CDYL: variants seen among roughly 807,000 people sequenced by gnomAD.
CDYL encodes the protein chromodomain Y like.
Under a neutral mutation model 47.3 loss-of-function variants are expected in CDYL, and 8 were observed. That is an observed-to-expected ratio of 0.17 (90% CI 0.10 to 0.31). The LOEUF (loss-of-function observed/expected upper bound fraction) is 0.31. CDYL is among the 10% of genes least tolerant of loss of function. The pLI is 1.00. For missense variants in CDYL, 471 were observed against 701.4 expected, an observed-to-expected ratio of 0.67 and a Z score of 3.71; for synonymous variants, 266 against 265.0, an observed-to-expected ratio of 1.00 and a Z score of -0.04.
intron 3 of CDYL, among the ~76,000 whole-genome samples, chr6:4,747,455 G>A (rs1327493743): frequency 6.6e-6 from 1 of 152,108 alleles, no homozygotes; most frequent in Non-Finnish European, 1.5e-5. Context: ...GTGATAGGTG[G>A]TTATTACTGA....
At chr6:4,835,029 G>A (rs1442888318) in intron 1 of CDYL, among the ~76,000 whole-genome samples, 2 of 152,018 alleles carry the variant, frequency 1.3e-5, no homozygotes, top group Non-Finnish European at 2.9e-5. Context: ...ATTTCCTCCT[G>A]TAGCTCGTAG....
intron 2 of CDYL, among the ~76,000 whole-genome samples, chr6:4,732,007 A>G (rs1757613947): frequency 6.6e-6 from 1 of 152,160 alleles, no homozygotes; most frequent in Non-Finnish European, 1.5e-5. Context: ...TAAATATGTG[A>G]TAATTTAAAA....
At chr6:4,890,734 T>G (rs1480726585) in intron 1 of CDYL, among the ~76,000 whole-genome samples, 1 of 152,268 alleles carries the variant, frequency 6.6e-6, no homozygotes, top group African/African-American at 2.4e-5. Flanking sequence ...ACTGACGTTC[T>G]TAATAATTGA....
chr6:4,813,872 C>G (rs1472354460), intron 1 of CDYL, among the ~76,000 whole-genome samples: 1 of 151,752 alleles, frequency 6.6e-6, no homozygotes, highest in African/African-American at 2.4e-5. Context: ...CTCCCAGGCT[C>G]CAACGATCCT....
rs572813425 is a variant in CDYL, at chr6:4,895,095, A to G, written c.691+2716A>G. Among the ~76,000 whole-genome samples the G allele has an allele frequency of 1.3e-3, 189 of 150,928 alleles. 2 individuals carry two copies. Among genetic ancestry groups the G allele is most frequent in the African/African-American group, 4.4e-3 (180 of 40,866 alleles). On this transcript the variant is annotated intron_variant, in intron 2 of 6. Transcript: ENST00000397588. ...TGTATCTATATGCACATATATGTAC[A>G]TGTGTGTATATGTATCTATATGCAT... is the stretch of plus-strand genomic sequence containing the variant.
chr6:4,933,251 A>G (rs565187333), intron 2 of CDYL, among the ~76,000 whole-genome samples: 3 of 152,048 alleles, frequency 2.0e-5, no homozygotes, highest in Non-Finnish European at 1.5e-5. Flanking sequence ...CCTCTCTCCA[A>G]CCCTGACTTC....
At chr6:4,888,820 T>G (rs1342586736) in intron 1 of CDYL, among the ~76,000 whole-genome samples, 1 of 152,222 alleles carries the variant, frequency 6.6e-6, no homozygotes, top group Admixed American at 6.5e-5. Context: ...GGTTTCCAAC[T>G]TCTCTTGAGA....
At chr6:4,718,145 TC>T (rs1293822158) in intron 2 of CDYL, among the ~76,000 whole-genome samples, 7 of 152,090 alleles carry the variant, frequency 4.6e-5, no homozygotes, top group African/African-American at 1.4e-4. Flanking sequence ...TCCCAGACAT[TC>T]TTTTTGAATA....
At chr6:4,828,474 T>C (rs971185101) in intron 1 of CDYL, among the ~76,000 whole-genome samples, 9 of 152,128 alleles carry the variant, frequency 5.9e-5, no homozygotes, top group Admixed American at 5.9e-4. Flanking sequence ...ATGATTTCTG[T>C]TGAGAAATCA....
chr6:4,745,266 A>G (rs938074378), intron 3 of CDYL, among the ~76,000 whole-genome samples: 1 of 152,168 alleles, frequency 6.6e-6, no homozygotes, highest in Non-Finnish European at 1.5e-5. Flanking sequence ...GGCCTACCCC[A>G]GCCATACTTT....
intron 5 of CDYL, among the ~76,000 whole-genome samples, chr6:4,946,011 C>T (rs1002808359): frequency 6.6e-6 from 1 of 152,240 alleles, no homozygotes; most frequent in Non-Finnish European, 1.5e-5. Flanking sequence ...TGCTGCCCAG[C>T]GCCCACAGGC....
chr6:4,880,339 G>C (rs1343014114), intron 1 of CDYL, among the ~76,000 whole-genome samples: 1 of 152,084 alleles, frequency 6.6e-6, no homozygotes, highest in African/African-American at 2.4e-5. Flanking sequence ...AGGTTCCTCT[G>C]TGTCCTTTTG....
At chr6:4,767,000 TA>T (rs1048668653) in intron 3 of CDYL, among the ~76,000 whole-genome samples, 3 of 148,382 alleles carry the variant, frequency 2.0e-5, no homozygotes, top group Non-Finnish European at 1.5e-5. Flanking sequence ...AGACCCTGTC[TA>T]AAAAAAAAAT....
rs146729682 is a variant in CDYL, at chr6:4,885,895, C to T, written c.25-5818C>T. Among the ~76,000 whole-genome samples the T allele has an allele frequency of 4.0e-3, 612 of 152,286 alleles. 1 individual carries two copies. Among genetic ancestry groups the T allele is most frequent in the African/African-American group, 0.014 (575 of 41,554 alleles). On this transcript the variant is annotated intron_variant, in intron 1 of 6. Coordinates refer to ENST00000397588, the MANE Select transcript of CDYL (RefSeq NM_004824.4). Reference sequence around the variant, plus strand: ...AAGAAATCTAGTATCCATTAGCTATCATCTTCCTATTTACCCCTGTTACCT... The same window carrying T: ...AAGAAATCTAGTATCCATTAGCTATTATCTTCCTATTTACCCCTGTTACCT...
chr6:4,897,634 A>G (rs1268156187), intron 2 of CDYL, among the ~76,000 whole-genome samples: 1 of 152,162 alleles, frequency 6.6e-6, no homozygotes, highest in African/African-American at 2.4e-5. Flanking sequence ...TCAGGAGACC[A>G]GGCCAGGTGT....
intron 2 of CDYL, among the ~76,000 whole-genome samples, chr6:4,724,084 G>A (rs1309759820): frequency 6.6e-6 from 1 of 152,138 alleles, no homozygotes; most frequent in Non-Finnish European, 1.5e-5. Context: ...TGACACCCAG[G>A]CTCTGGAGTG....
chr6:4,721,628 A>C lies in CDYL; in HGVS notation c.103+5747A>C, dbSNP rs374645429. The stretch of plus-strand genomic sequence containing the variant: ...ACTCCTGGCCTCAACTGACCCACCC[A>C]CCTCAGCCTCCAAAAGTGCTGGGAC... On this transcript the variant is annotated intron_variant, in intron 2 of 8. Transcript: ENST00000328908. 8.0e-4 allele frequency among the ~76,000 whole-genome samples: 121 copies of C among 151,954 alleles called. 1 individual carries two copies. The South Asian group carries it at 0.017, about 21-fold the overall frequency.
chr6:4,831,520 C>G (rs1301712466), intron 1 of CDYL, among the ~76,000 whole-genome samples: 2 of 152,136 alleles, frequency 1.3e-5, no homozygotes, highest in South Asian at 2.1e-4. Flanking sequence ...CGTGATGCCT[C>G]CAGCTTTGTT....
chr6:4,854,166 C>T (rs1328554326), intron 1 of CDYL, among the ~76,000 whole-genome samples: 1 of 152,188 alleles, frequency 6.6e-6, no homozygotes, highest in East Asian at 1.9e-4. Flanking sequence ...TTTCAGTCAG[C>T]AGATAAGGTA....
Sources: allele counts gnomAD v4.1 joint callset (sites outside exome capture counted in the v4.1 genomes callset), GRCh38; gene constraint gnomAD v4.1.1; transcripts MANE v1.5; gene names NCBI Gene and HGNC (gene_info 2026-07-23, HGNC 2026-07-21).